The following BRINP3 variants were observed in gnomAD, a reference collection of about 807,000 sequenced individuals.
The protein encoded by BRINP3 is BMP/retinoic acid inducible neural specific 3, also known as BMP/retinoic acid-inducible neural-specific protein 3.
Under a neutral mutation model 71.0 loss-of-function variants are expected in BRINP3, and 19 were observed. The observed-to-expected ratio is 0.27, with a 90% CI of 0.19 to 0.39. The LOEUF is 0.39. Among genes scored for constraint, BRINP3 ranks in the 10% least tolerant of loss-of-function variants. The pLI, the probability that BRINP3 is intolerant of heterozygous loss-of-function variation, is 1.00. For synonymous variants in BRINP3, 380 were observed against 337.7 expected, an observed-to-expected ratio of 1.13 and a Z score of -1.37; for missense variants, 959 against 940.8, an observed-to-expected ratio of 1.02 and a Z score of -0.25.
intron 7 of BRINP3, among the ~76,000 whole-genome samples, chr1:190,099,857 A>G (rs1651544314): frequency 6.6e-6 from 1 of 152,226 alleles, no homozygotes; most frequent in Non-Finnish European, 1.5e-5. Context: ...GATTTGAGTC[A>G]TTAACATTTT....
At chr1:190,344,076 C>T (rs1440599688) in intron 2 of BRINP3, among the ~76,000 whole-genome samples, 2 of 151,516 alleles carry the variant, frequency 1.3e-5, no homozygotes, top group Non-Finnish European at 3.0e-5. Context: ...TGTGATAAAA[C>T]GAACTATGTT....
intron 6 of BRINP3, among the ~76,000 whole-genome samples, chr1:190,195,591 G>C (rs907769147): frequency 6.6e-6 from 1 of 151,662 alleles, no homozygotes; most frequent in Non-Finnish European, 1.5e-5. Context: ...TGTATTATAC[G>C]TATGAAGAAT....
At chr1:190,453,108 A>G (rs1348705752) in intron 2 of BRINP3, among the ~76,000 whole-genome samples, 1 of 151,748 alleles carries the variant, frequency 6.6e-6, no homozygotes, top group Non-Finnish European at 1.5e-5. Context: ...GTGAGGAAAA[A>G]CTGGCTAAAT....
intron 4 of BRINP3, among the ~76,000 whole-genome samples, chr1:190,247,188 A>G (rs188920648): frequency 3.5e-3 from 539 of 152,062 alleles, no homozygotes; most frequent in African/African-American, 0.013. Flanking sequence ...AAACTGGTTT[A>G]TATTTTCAGG....
chr1:190,231,706 T>A (rs1016929551), intron 5 of BRINP3, among the ~76,000 whole-genome samples: 6 of 151,892 alleles, frequency 4.0e-5, no homozygotes, highest in Non-Finnish European at 8.8e-5. Context: ...ATTGAAGTTG[T>A]AGCTATGGCT....
At chr1:190,134,178 G>A (rs1202287883) in intron 7 of BRINP3, among the ~76,000 whole-genome samples, 1 of 152,036 alleles carries the variant, frequency 6.6e-6, no homozygotes, top group East Asian at 1.9e-4. Context: ...ACGGTGGTTA[G>A]GGAGTCTTGG....
At chr1:190,379,417 A>G (rs1670377458) in intron 2 of BRINP3, among the ~76,000 whole-genome samples, 1 of 152,106 alleles carries the variant, frequency 6.6e-6, no homozygotes, top group Admixed American at 6.6e-5. Context: ...TTACAGCTTG[A>G]GATTATTGCT....
intron 2 of BRINP3, among the ~76,000 whole-genome samples, chr1:190,297,337 T>C (rs931305891): frequency 3.3e-5 from 5 of 151,904 alleles, no homozygotes; most frequent in Admixed American, 3.3e-4. Context: ...GGATTAAAAT[T>C]GGACCTTTGT....
At chr1:190,119,099 A>T (rs976151928) in intron 7 of BRINP3, among the ~76,000 whole-genome samples, 8 of 152,092 alleles carry the variant, frequency 5.3e-5, no homozygotes, top group Non-Finnish European at 1.0e-4. Flanking sequence ...CGATTATCTG[A>T]TTAGCACCTA....
intron 2 of BRINP3, among the ~76,000 whole-genome samples, chr1:190,379,536 T>C (rs1488689199): frequency 6.6e-6 from 1 of 151,952 alleles, no homozygotes; most frequent in African/African-American, 2.4e-5. Context: ...AATGAGACTA[T>C]CATGAGAAAA....
intron 3 of BRINP3, among the ~76,000 whole-genome samples, chr1:190,279,618 T>G (rs188938612): frequency 2.1e-4 from 32 of 151,964 alleles, no homozygotes; most frequent in African/African-American, 7.2e-4. Context: ...CTTTTCCATC[T>G]GCCTTAGCCG....
chr1:190,290,803 C>G (rs1334624558), intron 2 of BRINP3, among the ~76,000 whole-genome samples: 1 of 151,874 alleles, frequency 6.6e-6, no homozygotes, highest in Non-Finnish European at 1.5e-5. Flanking sequence ...GGGGGTGAGA[C>G]CTCAAACTTA....
intron 6 of BRINP3, among the ~76,000 whole-genome samples, chr1:190,220,601 G>A (rs6691829): frequency 0.82 from 124,870 of 152,044 alleles, 51,422 homozygotes; most frequent in Middle Eastern, 0.93. Context: ...TTTGTCTGGC[G>A]ACAAACTTCT....
intron 2 of BRINP3, among the ~76,000 whole-genome samples, chr1:190,352,507 T>G (rs906477159): frequency 6.6e-6 from 1 of 152,006 alleles, no homozygotes; most frequent in African/African-American, 2.4e-5. Flanking sequence ...TTATCTATCA[T>G]GAGAATATTT....
intron 2 of BRINP3, among the ~76,000 whole-genome samples, chr1:190,431,882 A>T (rs1674122275): frequency 6.6e-6 from 1 of 152,150 alleles, no homozygotes; most frequent in Non-Finnish European, 1.5e-5. Flanking sequence ...TTTATTTGAA[A>T]ATGTTATTCA....
At chr1:190,421,688 C>G (rs1376957565) in intron 2 of BRINP3, among the ~76,000 whole-genome samples, 1 of 151,604 alleles carries the variant, frequency 6.6e-6, no homozygotes, top group African/African-American at 2.4e-5. Context: ...GATTTGAATC[C>G]AGGCACCACC....
At chr1:190,307,674 AG>A (rs145486046) in intron 2 of BRINP3, among the ~76,000 whole-genome samples, 1,729 of 151,602 alleles carry the variant, frequency 0.011, 21 homozygotes, top group Non-Finnish European at 0.016. Flanking sequence ...TTTGCTCATC[AG>A]TAATGTGAAG....
intron 1 of BRINP3, among the ~76,000 whole-genome samples, chr1:190,459,179 G>C (rs533419190): frequency 4.0e-5 from 6 of 148,736 alleles, no homozygotes; most frequent in Non-Finnish European, 8.9e-5. Flanking sequence ...CATGATACAA[G>C]TTTATTTGCA....
At chr1:190,456,942 G>A (rs1262079327) in intron 1 of BRINP3, among the ~76,000 whole-genome samples, 2 of 152,122 alleles carry the variant, frequency 1.3e-5, no homozygotes, top group Non-Finnish European at 2.9e-5. Context: ...ATTAACAAAT[G>A]TAGATGTGAA....
Sources: gnomAD v4.1 joint callset for allele counts (sites outside exome capture counted in the v4.1 genomes callset) on GRCh38, gnomAD v4.1.1 for gene constraint, MANE v1.5 for transcripts, NCBI Gene and HGNC (gene_info 2026-07-23, HGNC 2026-07-21) for gene names.